Variants in LINGO2 observed in about 807,000 individuals in gnomAD.
The protein encoded by LINGO2 is leucine rich repeat and Ig domain containing 2.
A neutral mutation model predicts 30.6 loss-of-function variants in LINGO2; 14 were observed. The observed-to-expected ratio is 0.46, with a 90% confidence interval of 0.30 to 0.72. The LOEUF is 0.72. Among genes scored for constraint, LINGO2 ranks in the 30% least tolerant of loss-of-function variants. The pLI, the probability that LINGO2 is intolerant of heterozygous loss-of-function variation, is 0.07. For missense variants in LINGO2, 729 were observed against 751.7 expected (o/e 0.97, Z 0.35); for synonymous variants, 317 against 288.5 (o/e 1.10, Z -1.00).
At chr9:28,912,085 G>A in the LINGO2 span, among the ~76,000 whole-genome samples, 1 of 151,872 alleles carries the variant, frequency 6.6e-6, no homozygotes, top group African/African-American at 2.4e-5. Flanking sequence ...ACCTGCCATC[G>A]GCCTGGCAAC....
chr9:27,943,907 G>A (rs1381127051), downstream of LINGO2: 2 of 152,314 alleles, frequency 1.3e-5, no homozygotes, highest in African/African-American at 4.8e-5. Flanking sequence ...GGGAGAAGGG[G>A]ATCAGGGAGG....
At chr9:28,192,699 CAT>C (rs1265467033) in intron 4 of LINGO2, among the ~76,000 whole-genome samples, 1 of 152,106 alleles carries the variant, frequency 6.6e-6, no homozygotes, top group African/African-American at 2.4e-5. Context: ...TTTATCACTA[CAT>C]GTTTAGACAC....
the LINGO2 span, among the ~76,000 whole-genome samples, chr9:28,681,116 T>C: frequency 6.6e-6 from 1 of 151,996 alleles, no homozygotes; most frequent in Non-Finnish European, 1.5e-5. Flanking sequence ...TTGATTTTTG[T>C]ATATAGTGTT....
chr9:28,750,118 A>G, the LINGO2 span, among the ~76,000 whole-genome samples: 1 of 152,158 alleles, frequency 6.6e-6, no homozygotes, highest in South Asian at 2.1e-4. Flanking sequence ...AGGATAAAAA[A>G]TGGTGGGACC....
chr9:28,942,829 C>G, the LINGO2 span, among the ~76,000 whole-genome samples: 136,909 of 152,172 alleles, frequency 0.9, 61,827 homozygotes, highest in Non-Finnish European at 0.94. Context: ...CCTCTCCCTT[C>G]CCTAAAATAA....
intron 4 of LINGO2, among the ~76,000 whole-genome samples, chr9:28,035,487 C>G (rs1335166254): frequency 6.6e-6 from 1 of 152,124 alleles, no homozygotes; most frequent in Non-Finnish European, 1.5e-5. Context: ...ATAATAGAAT[C>G]CAGTGTTATT....
chr9:28,876,947 C>A, the LINGO2 span, among the ~76,000 whole-genome samples: 1 of 152,122 alleles, frequency 6.6e-6, no homozygotes, highest in Non-Finnish European at 1.5e-5. Flanking sequence ...GCCATTCTAA[C>A]TGGTGTGAGA....
At chr9:28,732,231 T>C in the LINGO2 span, among the ~76,000 whole-genome samples, 1 of 151,984 alleles carries the variant, frequency 6.6e-6, no homozygotes, top group Non-Finnish European at 1.5e-5. Context: ...AGACCCTATT[T>C]AAACGCTCAT....
intron 1 of LINGO2, among the ~76,000 whole-genome samples, chr9:28,634,297 C>A (rs145506286): frequency 3.3e-5 from 5 of 152,086 alleles, no homozygotes; most frequent in African/African-American, 1.2e-4. Context: ...GTGTAACTAT[C>A]TAATGAGCAT....
At chr9:28,027,259 T>C (rs1479623990) in intron 4 of LINGO2, among the ~76,000 whole-genome samples, 2 of 152,108 alleles carry the variant, frequency 1.3e-5, no homozygotes, top group Admixed American at 1.3e-4. Flanking sequence ...GCATCCCCAT[T>C]TTACGGGTGA....
At chr9:29,123,124 G>A in the LINGO2 span, among the ~76,000 whole-genome samples, 85 of 152,048 alleles carry the variant, frequency 5.6e-4, no homozygotes, top group Non-Finnish European at 9.6e-4. Context: ...GAACAGAACA[G>A]TTAGGGTTCA....
intron 4 of LINGO2, among the ~76,000 whole-genome samples, chr9:28,064,368 GTC>G (rs1825247456): frequency 6.6e-6 from 1 of 152,100 alleles, no homozygotes; most frequent in Non-Finnish European, 1.5e-5. Flanking sequence ...GATTTCCAGA[GTC>G]ACTGGCACAA....
intron 4 of LINGO2, among the ~76,000 whole-genome samples, chr9:28,098,360 A>G (rs13288199): frequency 0.031 from 4,663 of 152,184 alleles, 112 homozygotes; most frequent in Non-Finnish European, 0.038. Flanking sequence ...AAACCATTGA[A>G]TTTTACGTTT....
chr9:28,021,781 T>C (rs1184261755), intron 4 of LINGO2, among the ~76,000 whole-genome samples: 1 of 152,152 alleles, frequency 6.6e-6, no homozygotes, highest in Non-Finnish European at 1.5e-5. Context: ...CAGTTTCGTT[T>C]AATACACTAC....
intron 5 of LINGO2, among the ~76,000 whole-genome samples, chr9:27,973,318 G>A (rs1820441335): frequency 1.3e-5 from 2 of 152,118 alleles, no homozygotes; most frequent in South Asian, 2.1e-4. Context: ...GTATAACAGG[G>A]AAGAATATTT....
At chr9:28,723,415 T>C in the LINGO2 span, among the ~76,000 whole-genome samples, 85 of 152,280 alleles carry the variant, frequency 5.6e-4, 1 homozygote, top group Middle Eastern at 3.4e-3. Flanking sequence ...CCAGCTTTGT[T>C]GTACAATGTG....
intron 2 of LINGO2, among the ~76,000 whole-genome samples, chr9:28,440,267 T>C (rs1824138592): frequency 6.6e-6 from 1 of 152,218 alleles, no homozygotes; most frequent in African/African-American, 2.4e-5. Flanking sequence ...TAAGTATGAA[T>C]ACATAAGAAA....
the LINGO2 span, among the ~76,000 whole-genome samples, chr9:29,201,967 G>A: frequency 6.6e-6 from 1 of 151,982 alleles, no homozygotes; most frequent in Admixed American, 6.6e-5. Flanking sequence ...TTTAGTCACT[G>A]CATGTTACCT....
intron 4 of LINGO2, among the ~76,000 whole-genome samples, chr9:28,207,432 G>A (rs926349531): frequency 1.3e-5 from 2 of 152,060 alleles, no homozygotes; most frequent in Non-Finnish European, 2.9e-5. Flanking sequence ...GCCTTTAGAA[G>A]TCTTTCCTCA....
Sources: allele counts gnomAD v4.1 joint callset (sites outside exome capture counted in the v4.1 genomes callset), GRCh38; gene constraint gnomAD v4.1.1; transcripts MANE v1.5; gene names NCBI Gene and HGNC (gene_info 2026-07-23, HGNC 2026-07-21).